Variants in LSG1 observed in about 807,000 individuals in gnomAD.
LSG1 encodes large subunit GTPase 1 homolog.
A neutral mutation model predicts 82.6 loss-of-function variants in LSG1; 55 were observed. The observed-to-expected ratio is 0.67, with a 90% CI of 0.54 to 0.83. LSG1 has a LOEUF of 0.83. LSG1 is among the 40% of genes least tolerant of loss of function. The probability of loss-of-function intolerance (pLI) is 0.00; values close to 1 mark genes in which losing one functional copy is unlikely to be tolerated. For missense variants in LSG1, 809 were observed against 807.9 expected, an observed-to-expected ratio of 1.00 and a Z score of -0.02; for synonymous variants, 272 against 282.5, an observed-to-expected ratio of 0.96 and a Z score of 0.37.
rs143048290 is a variant in LSG1, at chr3:194,650,539, G to A, written c.1419+342C>T. Among the ~76,000 whole-genome samples, 13 of 152,312 alleles carry A rather than the reference G, an allele frequency of 8.5e-5. No individual in the cohort carries two copies. In the East Asian group the frequency reaches 1.4e-3, roughly 16 times the overall value. ...CTATACTGATTAAATATAATCAACC[G>A]TGAGATAGATTTTCCCCCACTTAGA... On this transcript the variant is annotated intron_variant, in intron 10 of 13. Transcript: ENST00000265245.
At position 194,648,694 on chromosome 3, in the gene LSG1, C is replaced by T; in HGVS notation, c.1530G>A (p.Leu510=). Residue 510 remains leucine, a synonymous_variant, in exon 11 of 14, where the codon TTG becomes TTA. Coordinates refer to ENST00000265245, the MANE Select transcript of LSG1 (RefSeq NM_018385.3). ...PHRPPTSEEL[L]TAYGYMRGFM... is the part of the protein sequence containing the mutation. ...ATCACAACTTACATCCATAAGCTGT[C>T]AACAGTTCTTCCGATGTTGGAGGTC... 6 of 1,614,038 alleles carry T rather than the reference C, an allele frequency of 3.7e-6. No individual in the cohort carries two copies. The highest frequency in any genetic ancestry group is 5.1e-6 in the Non-Finnish European group (6 of 1,179,970).
Position 194,642,113 on chromosome 3 carries a change from A to C in LSG1, c.1932T>G (p.Asn644Lys). 6.2e-7 allele frequency: 1 copy of C among 1,612,444 alleles called. No homozygotes were observed. Among genetic ancestry groups the C allele is most frequent in the African/African-American group, 1.3e-5 (1 of 74,674 alleles). ...GKPWKKHGNR[N>K]KKEKSRRLYK... ...AGAGTCTACGACTTTTTTCTTTTTT[A>C]TTTCTGTTGCCATGTTTTTTCCAGG... Residue 644 changes from asparagine to lysine, a missense_variant, in exon 14 of 14, where the codon AAT (asparagine) becomes AAG (lysine). Physicochemically the swap from Asn to Lys is moderately conservative, Grantham distance 94 (BLOSUM62 0). Coordinates refer to ENST00000265245, the MANE Select transcript of LSG1 (RefSeq NM_018385.3).
chr3:194,666,834 A>G (rs2108622149), intron 2 of LSG1, among the ~76,000 whole-genome samples: 1 of 152,300 alleles, frequency 6.6e-6, no homozygotes, highest in East Asian at 1.9e-4. Context: ...GCTATTGAAC[A>G]TTCAGTTTCC....
rs1198476829 is a variant in LSG1 at position 194,641,965 on chromosome 3, C to T, written c.*103G>A. On this transcript the variant is annotated 3_prime_UTR_variant, in exon 14 of 14. Coordinates refer to ENST00000265245, the MANE Select transcript of LSG1 (RefSeq NM_018385.3). ...AGCCGTGCTCTGCAAGAGCAGGGCC[C>T]GTTCTACAGTGCTAGTGTCTTGGGA... The T allele has an allele frequency of 1.2e-5, 15 of 1,274,364 alleles. No individual in the cohort carries two copies. The highest frequency in any genetic ancestry group is 2.3e-5 in the East Asian group (1 of 42,604). The allele number at this position is 1,274,364 out of a possible 1,614,324, so 78.9% of individuals were successfully genotyped here.
In LSG1 at chr3:194,641,770, C is replaced by CAA; in HGVS notation, c.*297_*298insTT. The CAA allele has an allele frequency of 4.6e-6, 1 of 219,250 alleles. No homozygotes were observed. The highest frequency in any genetic ancestry group is 8.9e-6 in the Non-Finnish European group (1 of 111,834). 13.6% of individuals were successfully genotyped at this position (219,250 alleles called of 1,614,324 possible). A position where few individuals can be genotyped will look rare whatever the true frequency, so the allele number is the denominator to read the frequency against. ...CTGGGATTACAGGTGCGCGCCACCA[C>CAA]GCCTGGCTAATTTTTTTGTATTTTT... On this transcript the variant is annotated 3_prime_UTR_variant, in exon 14 of 14. Coordinates refer to ENST00000265245, the MANE Select transcript of LSG1 (RefSeq NM_018385.3).
rs1311169298 is a variant in LSG1 at position 194,645,549 on chromosome 3, C to CAG, written c.1623+614_1623+615insCT. 3.4e-4 allele frequency: 16 copies of CAG among 47,674 alleles called. 2 individuals are homozygous for CAG. Among genetic ancestry groups the CAG allele is most frequent in the African/African-American group, 1.1e-3 (15 of 13,484 alleles). 3.0% of individuals were successfully genotyped at this position (47,674 alleles called of 1,614,324 possible). ...ACACACAGACAGACACACACACACA[C>CAG]ACACACACACACACACACACAGACA... is the stretch of plus-strand genomic sequence containing the variant. On this transcript the variant is annotated intron_variant, in intron 12 of 13. Transcript: ENST00000265245.
intron 7 of LSG1, among the ~76,000 whole-genome samples, chr3:194,658,207 G>A (rs1324396685): frequency 1.3e-5 from 2 of 152,122 alleles, no homozygotes; most frequent in Non-Finnish European, 2.9e-5. Flanking sequence ...GAGTGCACTG[G>A]CATGATCTCG....
At chr3:194,651,077 AAGAGCTGCATGC>A (rs756433532) in intron 9 of LSG1, 26 bp downstream of exon 9, 39 of 1,613,968 alleles carry the variant, frequency 2.4e-5, no homozygotes, top group Non-Finnish European at 3.2e-5. Flanking sequence ...AAAAGGAAGA[AAGAGCTGCATGC>A]AAGTGGCAAA....
chr3:194,659,703 G>A (rs1185078568), intron 6 of LSG1, among the ~76,000 whole-genome samples: 1 of 152,210 alleles, frequency 6.6e-6, no homozygotes, highest in Non-Finnish European at 1.5e-5. Context: ...ACTAAAGTGT[G>A]AGAAGACAGA....
intron 4 of LSG1, 143 bp downstream of exon 4, chr3:194,666,060 C>T (rs1719023034): frequency 2.8e-6 from 2 of 702,544 alleles, no homozygotes; most frequent in South Asian, 1.8e-5. Context: ...TTTGTGCATA[C>T]ATCTATTTGC....
intron 12 of LSG1, among the ~76,000 whole-genome samples, chr3:194,645,687 G>C (rs1718536636): frequency 1.3e-5 from 2 of 151,670 alleles, no homozygotes; most frequent in South Asian, 4.2e-4. Context: ...ATTTTACTAT[G>C]GGGAAACCCC....
At chr3:194,660,051 A>T (rs897854682) in intron 6 of LSG1, 22 bp downstream of exon 6, 2 of 1,606,526 alleles carry the variant, frequency 1.2e-6, no homozygotes, top group East Asian at 4.5e-5. Context: ...CTGATGTTTG[A>T]ATTTTGTCAA....
chr3:194,645,583 C>CACAG (rs1718528683), intron 12 of LSG1, among the ~76,000 whole-genome samples: 1 of 68,326 alleles, frequency 1.5e-5, no homozygotes, highest in Admixed American at 1.7e-4. Flanking sequence ...CAGACACACA[C>CACAG]ACACACACAC....
intron 2 of LSG1, among the ~76,000 whole-genome samples, chr3:194,668,698 A>C (rs1327409594): frequency 2.0e-5 from 3 of 152,168 alleles, no homozygotes; most frequent in Non-Finnish European, 4.4e-5. Flanking sequence ...AAAATTCATC[A>C]GTGATCTTTT....
At chr3:194,661,436 C>T (rs1474312557) in intron 5 of LSG1, among the ~76,000 whole-genome samples, 1 of 152,186 alleles carries the variant, frequency 6.6e-6, no homozygotes, top group Admixed American at 6.5e-5. Flanking sequence ...AAAGACATTT[C>T]AAGACAGCTG....
intron 8 of LSG1, 122 bp downstream of exon 8, chr3:194,652,607 C>G (rs2108617316): frequency 9.3e-7 from 1 of 1,078,588 alleles, no homozygotes; most frequent in East Asian, 2.4e-5. Flanking sequence ...CAGTGGGCAA[C>G]AAGAGGGCAA....
chr3:194,641,848 G>A lies in LSG1; in HGVS notation c.*220C>T, dbSNP rs1318538848. On this transcript the variant is annotated 3_prime_UTR_variant, in exon 14 of 14. Coordinates refer to ENST00000265245, the MANE Select transcript of LSG1 (RefSeq NM_018385.3). Reference sequence around the variant, plus strand: ...TGCGTGAGCCACTGTGCCCGGCCAGGAGTAGGATTCTCGGGCTCCCAGATG... The same window carrying A: ...TGCGTGAGCCACTGTGCCCGGCCAGAAGTAGGATTCTCGGGCTCCCAGATG... 6 of 442,632 alleles carry A rather than the reference G, an allele frequency of 1.4e-5. No individual in the cohort carries two copies. The highest frequency in any genetic ancestry group is 1.0e-4 in the East Asian group (3 of 28,634). 27.4% of individuals were successfully genotyped at this position (442,632 alleles called of 1,614,324 possible).
Position 194,642,060 on chromosome 3 carries a change from G to A in LSG1, c.*8C>T, listed in dbSNP as rs183328006. On this transcript the variant is annotated 3_prime_UTR_variant, in exon 14 of 14. Transcript: ENST00000265245. ...CAATGCAGATGACATTTCTGTTGCA[G>A]CCCAACCTCACATATCCAGGTGCTT... The A allele has an allele frequency of 1.8e-4, 292 of 1,611,348 alleles. 2 individuals carry two copies. The African/African-American group carries it at 3.6e-3, about 20-fold the overall frequency.
At chr3:194,670,980 A>G (rs1315688138) in intron 1 of LSG1, among the ~76,000 whole-genome samples, 4 of 152,154 alleles carry the variant, frequency 2.6e-5, no homozygotes, top group Non-Finnish European at 4.4e-5. Flanking sequence ...CCAGCTACTC[A>G]AGAGACTGAG....
Sources: gnomAD v4.1 joint callset for allele counts (sites outside exome capture counted in the v4.1 genomes callset) on GRCh38, gnomAD v4.1.1 for gene constraint, MANE v1.5 for transcripts, NCBI Gene and HGNC (gene_info 2026-07-23, HGNC 2026-07-21) for gene names.